LINGO1: variants seen among roughly 807,000 people sequenced by gnomAD.
LINGO1 encodes leucine rich repeat and Ig domain containing 1.
In LINGO1, 11 loss-of-function variants were observed where a neutral mutation model predicts 37.3. The ratio of observed to expected loss-of-function variants is 0.29; its 90% CI spans 0.19 to 0.49. LINGO1 has a LOEUF of 0.49. Among genes scored for constraint, LINGO1 ranks in the 20% least tolerant of loss-of-function variants. The probability of loss-of-function intolerance (pLI) is 0.99; values close to 1 mark genes in which losing one functional copy is unlikely to be tolerated. For synonymous variants in LINGO1, 387 were observed against 403.0 expected, an observed-to-expected ratio of 0.96 and a Z score of 0.48; for missense variants, 585 against 878.2, an observed-to-expected ratio of 0.67 and a Z score of 4.22.
intron 1 of LINGO1, among the ~76,000 whole-genome samples, chr15:77,739,146 C>A (rs1054369046): frequency 1.3e-5 from 2 of 152,256 alleles, no homozygotes; most frequent in East Asian, 3.9e-4. Context: ...TGAACGCAAC[C>A]GGCGGGGGGC....
At chr15:77,684,090 C>T (rs1458105223) in intron 2 of LINGO1, among the ~76,000 whole-genome samples, 1 of 152,182 alleles carries the variant, frequency 6.6e-6, no homozygotes, top group Non-Finnish European at 1.5e-5. Context: ...CTGTGCCTTG[C>T]CTTTTAAGTA....
intron 3 of LINGO1, among the ~76,000 whole-genome samples, chr15:77,673,078 C>A (rs767978274): frequency 1.3e-5 from 2 of 152,132 alleles, no homozygotes; most frequent in African/African-American, 4.8e-5. Context: ...TGGGAAAAAA[C>A]CACTTAGATC....
chr15:77,663,430 G>C (rs1419572975), intron 3 of LINGO1, among the ~76,000 whole-genome samples: 1 of 152,332 alleles, frequency 6.6e-6, no homozygotes, highest in East Asian at 1.9e-4. Context: ...ACGTCTGCCT[G>C]AGCTCACTGG....
At chr15:77,818,711 G>A (rs2077068908) in intron 1 of LINGO1, among the ~76,000 whole-genome samples, 1 of 152,104 alleles carries the variant, frequency 6.6e-6, no homozygotes, top group African/African-American at 2.4e-5. Flanking sequence ...CCAGGCCCTG[G>A]GCCTGGGAGC....
intron 1 of LINGO1, among the ~76,000 whole-genome samples, chr15:77,754,131 G>C (rs1392486922): frequency 6.6e-6 from 1 of 151,756 alleles, no homozygotes; most frequent in Non-Finnish European, 1.5e-5. Flanking sequence ...AGGAAAGGGG[G>C]AAAAGGGAAA....
chr15:77,766,326 C>CAG (rs1246264253), intron 1 of LINGO1, among the ~76,000 whole-genome samples: 1 of 102,604 alleles, frequency 9.7e-6, no homozygotes, highest in Non-Finnish European at 2.0e-5. Context: ...AACACACAAA[C>CAG]AGAGAGAGAG....
intron 1 of LINGO1, among the ~76,000 whole-genome samples, chr15:77,812,604 T>C (rs1374744072): frequency 6.6e-6 from 1 of 152,246 alleles, no homozygotes; most frequent in Non-Finnish European, 1.5e-5. Context: ...CTCTGCCTCC[T>C]GTTTATTGAG....
upstream of LINGO1, chr15:77,634,246 C>T (rs1461843790): frequency 4.4e-6 from 2 of 456,106 alleles, no homozygotes; most frequent in South Asian, 3.1e-5. Context: ...GCTGTTCAGC[C>T]TCACACACAG....
intron 3 of LINGO1, chr15:77,646,249 G>A: frequency 3.4e-6 from 1 of 297,420 alleles, no homozygotes; most frequent in Non-Finnish European, 6.7e-6. Context: ...AATGTGTCTG[G>A]TCCAGGCATT....
chr15:77,619,256 C>T (rs979666336), intron 1 of LINGO1, among the ~76,000 whole-genome samples: 6 of 152,066 alleles, frequency 3.9e-5, no homozygotes, highest in South Asian at 4.2e-4. Context: ...AACAGACCCC[C>T]GTGAATGTTC....
chr15:77,744,986 T>C (rs1196542544), intron 1 of LINGO1, among the ~76,000 whole-genome samples: 1 of 150,280 alleles, frequency 6.7e-6, no homozygotes, highest in Non-Finnish European at 1.5e-5. Flanking sequence ...GGCATGGTGG[T>C]ACACACTTGT....
At chr15:77,721,573 A>G (rs948990429) in intron 2 of LINGO1, among the ~76,000 whole-genome samples, 5 of 152,172 alleles carry the variant, frequency 3.3e-5, no homozygotes, top group African/African-American at 1.2e-4. Context: ...AAGCTCCATG[A>G]AGAACCCGGT....
At chr15:77,714,657 G>A (rs1029008755) in intron 2 of LINGO1, among the ~76,000 whole-genome samples, 1 of 152,240 alleles carries the variant, frequency 6.6e-6, no homozygotes, top group African/African-American at 2.4e-5. Flanking sequence ...GCCAGTGCCT[G>A]GAGCGTGGCA....
chr15:77,715,148 C>T (rs780701525), intron 2 of LINGO1, among the ~76,000 whole-genome samples: 24 of 152,278 alleles, frequency 1.6e-4, no homozygotes, highest in Admixed American at 5.2e-4. Context: ...TGTGGCAATG[C>T]GACACTTCAT....
upstream of LINGO1, among the ~76,000 whole-genome samples, chr15:77,790,010 G>A (rs2076805975): frequency 6.6e-6 from 1 of 151,988 alleles, no homozygotes; most frequent in Admixed American, 6.6e-5. Flanking sequence ...GGGCTCAAGC[G>A]ATCCTCCTGT....
chr15:77,769,931 A>T (rs1041086708), intron 1 of LINGO1, among the ~76,000 whole-genome samples: 1 of 152,170 alleles, frequency 6.6e-6, no homozygotes, highest in African/African-American at 2.4e-5. Context: ...ACCGAGACTC[A>T]GTGTGGTTTT....
rs146136876 is a variant in LINGO1 at position 77,757,331 on chromosome 15, T to C, written c.-256-22278A>G. Among the ~76,000 whole-genome samples, 187 of 152,336 alleles carry C rather than the reference T, an allele frequency of 1.2e-3. 4 individuals are homozygous for C. The East Asian group carries it at 0.029, about 24-fold the overall frequency. On this transcript the variant is annotated intron_variant, in intron 1 of 3. Coordinates refer to the LINGO1 transcript ENST00000561686. ...CCCCCAGAACAAGAGTGGCCAAGGC[T>C]GGGCTTGTCAGGCACTGACCATGCA...
intron 1 of LINGO1, chr15:77,819,208 C>T (rs1374650741): frequency 6.7e-6 from 1 of 149,186 alleles, no homozygotes; most frequent in Non-Finnish European, 1.5e-5. Flanking sequence ...GACACACCGG[C>T]TCCCCGGCCT....
chr15:77,639,616 G>T (rs765527537), intron 3 of LINGO1, among the ~76,000 whole-genome samples: 27 of 152,044 alleles, frequency 1.8e-4, no homozygotes, highest in Non-Finnish European at 3.4e-4. Context: ...CGGTACATTC[G>T]CACAATGGAA....
Sources: allele counts gnomAD v4.1 joint callset (sites outside exome capture counted in the v4.1 genomes callset), GRCh38; gene constraint gnomAD v4.1.1; transcripts MANE v1.5; gene names NCBI Gene and HGNC (gene_info 2026-07-23, HGNC 2026-07-21).